DNAH6: variants seen among roughly 807,000 people sequenced by gnomAD.
DNAH6 encodes dynein axonemal heavy chain 6.
A neutral mutation model predicts 491.4 loss-of-function variants in DNAH6; 340 were observed. The observed-to-expected ratio is 0.69, with a 90% CI of 0.63 to 0.76. The LOEUF is 0.76. Ranked by LOEUF, DNAH6 falls within the 30% of genes least tolerant of loss-of-function variation. DNAH6 has a pLI of 0.00. For missense variants in DNAH6, 4,443 were observed against 4,972.2 expected (o/e 0.89, Z 3.20); for synonymous variants, 1,603 against 1,686.1 (o/e 0.95, Z 1.21).
chr2:84,636,211 C>T (rs72922744), intron 30 of DNAH6, among the ~76,000 whole-genome samples: 1,720 of 152,308 alleles, frequency 0.011, 32 homozygotes, highest in African/African-American at 0.038. Context: ...GTGTGCAGGA[C>T]TCCTGATGCT....
Position 84,699,732 on chromosome 2 carries a change from C to G in DNAH6, c.7816C>G (p.Gln2606Glu). Reference protein sequence around the residue: ...VNCCTIDWFVQWPREALLSVS... With the variant: ...VNCCTIDWFVEWPREALLSVS... ...TTGCTGCACCATTGACTGGTTTGTG[C>G]AGGTTGGTGACATCCCAGGATATCT... Residue 2606 changes from glutamine (Q) to glutamate (E), a missense_variant and splice_region_variant, in exon 48 of 77, where the codon CAG (glutamine) becomes GAG (glutamate). Physicochemically the swap from Gln to Glu is conservative, Grantham distance 29. This residue lies in a region of DNAH6 where 2,977 missense variants were observed against 3,296.6 expected (regional missense o/e 0.90). Transcript: ENST00000389394. The G allele has an allele frequency of 6.4e-7, 1 of 1,550,616 alleles. No individual in the cohort carries two copies. Among genetic ancestry groups the G allele is most frequent in the Non-Finnish European group, 8.7e-7 (1 of 1,146,658 alleles).
At chr2:84,667,399 C>T (rs1010168618) in intron 37 of DNAH6, among the ~76,000 whole-genome samples, 3 of 152,010 alleles carry the variant, frequency 2.0e-5, no homozygotes, top group Non-Finnish European at 4.4e-5. Context: ...AACAAATTTA[C>T]AAGAAAAAAA....
intron 37 of DNAH6, among the ~76,000 whole-genome samples, chr2:84,663,055 G>T (rs1183607336): frequency 6.6e-6 from 1 of 152,106 alleles, no homozygotes; most frequent in Non-Finnish European, 1.5e-5. Flanking sequence ...CTAACAAACA[G>T]AAAGGACATC....
At chr2:84,703,303 T>G in intron 49 of DNAH6, 92 bp from the exon 50 acceptor site, 1 of 932,454 alleles carries the variant, frequency 1.1e-6, no homozygotes, top group Non-Finnish European at 1.5e-6. Flanking sequence ...TCTGTAGACG[T>G]AAAAGTCTAA....
intron 63 of DNAH6, 91 bp from the exon 64 acceptor site, chr2:84,762,664 C>A: frequency 1.2e-6 from 1 of 867,926 alleles, no homozygotes; most frequent in Non-Finnish European, 1.8e-6. Flanking sequence ...AAACACAGGA[C>A]ACCAACCTCT....
At position 84,701,270 on chromosome 2, in the gene DNAH6, C is replaced by G; in HGVS notation, c.7992C>G (p.Pro2664=). 2 of 1,551,882 alleles carry G rather than the reference C, an allele frequency of 1.3e-6. No homozygotes were observed. The highest frequency in any genetic ancestry group is 8.7e-7 in the Non-Finnish European group (1 of 1,147,030). ...TGCGCAGGCGGTACTACACGACACCCACCTCCTACCTGGAGCTTATCAATC... is the reference window on the plus strand; with the variant it reads ...TGCGCAGGCGGTACTACACGACACCGACCTCCTACCTGGAGCTTATCAATC... ...NELRRRYYTT[P]TSYLELINLY... The change falls in exon 49 of 77, where the codon CCC becomes CCG. Residue 2664 remains proline, a synonymous_variant. Coordinates refer to ENST00000389394, the MANE Select transcript of DNAH6 (RefSeq NM_001370.2).
intron 48 of DNAH6, 129 bp downstream of exon 48, chr2:84,699,863 T>C (rs1695726185): frequency 5.8e-6 from 5 of 860,160 alleles, no homozygotes; most frequent in Non-Finnish European, 5.0e-6. Flanking sequence ...TTTATTCATA[T>C]AGAGAATGAC....
chr2:84,707,895 G>A (rs1049614730), intron 54 of DNAH6, among the ~76,000 whole-genome samples, 179 bp downstream of exon 54: 9 of 152,142 alleles, frequency 5.9e-5, no homozygotes, highest in African/African-American at 1.9e-4. Flanking sequence ...TCTACCCCTA[G>A]GCTTTCCTTA....
intron 11 of DNAH6, among the ~76,000 whole-genome samples, chr2:84,567,260 A>C (rs1681300647): frequency 6.6e-6 from 1 of 151,902 alleles, no homozygotes; most frequent in South Asian, 2.1e-4. Flanking sequence ...ACTAGGTAGA[A>C]AAATGGTCAA....
Position 84,548,393 on chromosome 2 carries a change from G to C in DNAH6, c.1292G>C (p.Arg431Thr). The C allele has an allele frequency of 6.2e-7, 1 of 1,613,874 alleles. No homozygotes were observed. Among genetic ancestry groups the C allele is most frequent in the Non-Finnish European group, 8.5e-7 (1 of 1,179,932 alleles). ...ACATATACAGAACAGGCCAGCAAAA[G>C]GCATTATTGCATGAGGCTGACGTGG... ...KMTYTEQASKRHYCMRLTCFI... is the reference protein window; with the variant it reads ...KMTYTEQASKTHYCMRLTCFI... The change falls in exon 8 of 77, where the codon AGG becomes ACG. Residue 431 changes from arginine (R) to threonine (T), a missense_variant. Coordinates refer to ENST00000389394, the MANE Select transcript of DNAH6 (RefSeq NM_001370.2).
chr2:84,654,158 G>A (rs1437432479), intron 34 of DNAH6, among the ~76,000 whole-genome samples: 3 of 151,962 alleles, frequency 2.0e-5, no homozygotes, highest in Non-Finnish European at 4.4e-5. Context: ...AGAGAGCTTT[G>A]TATCATTTGA....
chr2:84,755,012 C>T (rs1174777500), intron 63 of DNAH6, among the ~76,000 whole-genome samples: 2 of 152,134 alleles, frequency 1.3e-5, no homozygotes, highest in African/African-American at 2.4e-5. Context: ...TTTTGTTAAA[C>T]TTATTTTTAA....
chr2:84,709,609 A>G, intron 55 of DNAH6, 63 bp downstream of exon 55: 2 of 1,522,900 alleles, frequency 1.3e-6, no homozygotes, highest in African/African-American at 2.8e-5. Context: ...TAGCTATTAA[A>G]AATTATAAAA....
intron 24 of DNAH6, among the ~76,000 whole-genome samples, chr2:84,620,939 A>G (rs560551129): frequency 6.6e-6 from 1 of 152,348 alleles, no homozygotes; most frequent in Non-Finnish European, 1.5e-5. Context: ...GAAAGTGAAA[A>G]TAAGTGGAGA....
Position 84,670,393 on chromosome 2 carries a change from A to G in DNAH6, c.6372A>G (p.Leu2124=), listed in dbSNP as rs1881095. ...QESAGYVPVY[L]NFSAQTSSAR... The stretch of plus-strand genomic sequence containing the variant: ...CAGCTGGCTATGTCCCTGTTTATCT[A>G]AATTTTTCTGCTCAAACTTCATCTG... Residue 2124 remains leucine (L), a synonymous_variant, in exon 39 of 77, where the codon CTA becomes CTG. Transcript: ENST00000389394. 1,477,933 of 1,546,402 alleles carry G rather than the reference A, an allele frequency of 0.96. 706,541 individuals carry two copies. The highest frequency in any genetic ancestry group is 1 in the East Asian group (40,784 of 40,786).
At chr2:84,724,872 G>T (rs1387660695) in intron 60 of DNAH6, among the ~76,000 whole-genome samples, 1 of 152,232 alleles carries the variant, frequency 6.6e-6, no homozygotes, top group Admixed American at 6.5e-5. Flanking sequence ...TTCGGCTACA[G>T]TCTGTTGGTC....
chr2:84,798,415 G>A (rs1678542392), intron 70 of DNAH6, among the ~76,000 whole-genome samples: 1 of 152,178 alleles, frequency 6.6e-6, no homozygotes, highest in South Asian at 2.1e-4. Flanking sequence ...GGACTGGCAG[G>A]CAGAGCAGCC....
chr2:84,559,867 G>A (rs1417997078), intron 11 of DNAH6, among the ~76,000 whole-genome samples: 3 of 152,060 alleles, frequency 2.0e-5, no homozygotes, highest in Non-Finnish European at 2.9e-5. Context: ...CAGAAATGAA[G>A]ACTAAATTAT....
chr2:84,688,064 G>A (rs1398198883), intron 44 of DNAH6, among the ~76,000 whole-genome samples: 9 of 151,850 alleles, frequency 5.9e-5, no homozygotes, highest in South Asian at 2.1e-4. Context: ...GTGAAACCCC[G>A]TCTGTACTAA....
Sources: allele counts gnomAD v4.1 joint callset (sites outside exome capture counted in the v4.1 genomes callset), GRCh38; gene constraint gnomAD v4.1.1; regional missense constraint gnomAD v4.1.1; transcripts MANE v1.5; gene names NCBI Gene and HGNC (gene_info 2026-07-23, HGNC 2026-07-21).